The following EYA4 variants were observed in gnomAD, a reference collection of about 807,000 sequenced individuals.
The protein encoded by EYA4 is EYA transcriptional coactivator and phosphatase 4.
In EYA4, 31 loss-of-function variants were observed where a neutral mutation model predicts 87.9. The ratio of observed to expected loss-of-function variants is 0.35; its 90% CI spans 0.27 to 0.48. The LOEUF is 0.48. Ranked by LOEUF, EYA4 falls within the 20% of genes least tolerant of loss-of-function variation. The probability of loss-of-function intolerance (pLI) is 0.99; values close to 1 mark genes in which losing one functional copy is unlikely to be tolerated. For missense variants in EYA4, 678 were observed against 761.4 expected, an observed-to-expected ratio of 0.89 and a Z score of 1.29; for synonymous variants, 263 against 270.6, an observed-to-expected ratio of 0.97 and a Z score of 0.28.
At chr6:133,363,770 C>T (rs747530042) in intron 2 of EYA4, among the ~76,000 whole-genome samples, 12 of 152,148 alleles carry the variant, frequency 7.9e-5, no homozygotes, top group South Asian at 4.1e-4. Flanking sequence ...CCACCGCGCC[C>T]GGCGAGACCT....
chr6:133,458,022 C>T (rs1794052618), intron 6 of EYA4, among the ~76,000 whole-genome samples: 1 of 152,088 alleles, frequency 6.6e-6, no homozygotes, highest in South Asian at 2.1e-4. Flanking sequence ...GTGGTATAAA[C>T]AAATCTAAAA....
intron 2 of EYA4, among the ~76,000 whole-genome samples, chr6:133,297,944 A>ATTTAC (rs1291605811): frequency 9.9e-5 from 15 of 152,154 alleles, no homozygotes; most frequent in Non-Finnish European, 1.6e-4. Flanking sequence ...TCCACTAATG[A>ATTTAC]TTGTTGCCTG....
intron 3 of EYA4, among the ~76,000 whole-genome samples, chr6:133,420,141 A>G (rs748098608): frequency 6.6e-6 from 1 of 152,130 alleles, no homozygotes; most frequent in Non-Finnish European, 1.5e-5. Flanking sequence ...CACCAAAAAA[A>G]AATCATCCAT....
intron 5 of EYA4, among the ~76,000 whole-genome samples, chr6:133,455,019 T>A (rs1324149950): frequency 6.6e-6 from 1 of 152,186 alleles, no homozygotes; most frequent in Non-Finnish European, 1.5e-5. Flanking sequence ...TTCAGTTTCC[T>A]TGTCTATAAA....
chr6:133,294,023 T>TTTTATATATATATATA (rs1436598260), intron 2 of EYA4, among the ~76,000 whole-genome samples: 1 of 78,782 alleles, frequency 1.3e-5, no homozygotes, highest in African/African-American at 5.2e-5. Context: ...TAGGGTGATT[T>TTTTATATATATATATA]TATATATATA....
intron 3 of EYA4, among the ~76,000 whole-genome samples, chr6:133,437,007 T>A (rs1284570585): frequency 2.0e-5 from 3 of 152,024 alleles, no homozygotes; most frequent in Non-Finnish European, 4.4e-5. Context: ...ACAGAAAAAT[T>A]GCAGGAAAAA....
chr6:133,369,064 A>T (rs141624550), intron 2 of EYA4, among the ~76,000 whole-genome samples: 1 of 152,224 alleles, frequency 6.6e-6, no homozygotes, highest in African/African-American at 2.4e-5. Flanking sequence ...AACAAATTAG[A>T]GACAGGAAAT....
intron 3 of EYA4, among the ~76,000 whole-genome samples, chr6:133,394,284 G>GTTTTTT (rs869103311): frequency 0.011 from 200 of 17,836 alleles, 40 homozygotes; most frequent in African/African-American, 0.025. Flanking sequence ...ATAAGCTTGT[G>GTTTTTT]TTTTTTTTTT....
intron 3 of EYA4, among the ~76,000 whole-genome samples, chr6:133,442,772 A>G (rs1792431048): frequency 6.6e-6 from 1 of 152,156 alleles, no homozygotes; most frequent in Non-Finnish European, 1.5e-5. Flanking sequence ...ATCACCGAAT[A>G]TGATATAAGC....
intron 2 of EYA4, among the ~76,000 whole-genome samples, chr6:133,333,993 T>C (rs1299332683): frequency 3.3e-5 from 5 of 152,150 alleles, no homozygotes; most frequent in African/African-American, 4.8e-5. Flanking sequence ...ATTCCACTGA[T>C]TGGTAAAATT....
chr6:133,440,381 G>A (rs1425342925), intron 3 of EYA4, among the ~76,000 whole-genome samples: 1 of 152,122 alleles, frequency 6.6e-6, no homozygotes, highest in Non-Finnish European at 1.5e-5. Context: ...AATAGGAAGG[G>A]CACTTCAGGA....
chr6:133,448,834 T>C (rs996532346), intron 5 of EYA4, among the ~76,000 whole-genome samples: 5 of 152,258 alleles, frequency 3.3e-5, no homozygotes, highest in Non-Finnish European at 5.9e-5. Context: ...AAAAATCAAT[T>C]AGAACAAAGC....
intron 2 of EYA4, among the ~76,000 whole-genome samples, chr6:133,345,219 A>G (rs1783102466): frequency 6.6e-6 from 1 of 152,158 alleles, no homozygotes. Context: ...AAAAATTATT[A>G]AATATGCTCT....
chr6:133,371,514 A>G (rs1241704436), intron 2 of EYA4, among the ~76,000 whole-genome samples: 1 of 152,208 alleles, frequency 6.6e-6, no homozygotes, highest in Non-Finnish European at 1.5e-5. Flanking sequence ...GACCAAGAAA[A>G]GCAAATACCA....
At chr6:133,517,253 C>T (rs903972978) in intron 17 of EYA4, among the ~76,000 whole-genome samples, 18 of 151,778 alleles carry the variant, frequency 1.2e-4, no homozygotes, top group Non-Finnish European at 5.9e-5. Context: ...GGGAGAGGAT[C>T]AGCAAAAAGA....
Position 133,411,080 on chromosome 6 carries a change from A to C in EYA4, c.83+28639A>C, listed in dbSNP as rs531269815. 2.7e-5 allele frequency among the ~76,000 whole-genome samples: 4 copies of C among 148,548 alleles called. No individual in the cohort carries two copies. The East Asian group carries it at 8.0e-4, about 30-fold the overall frequency. ...TGAACTGTTTACTTACAAGCACTTT[A>C]TTTTTACTTTTGCATACAAGCAACA... On this transcript the variant is annotated intron_variant, in intron 3 of 19. Coordinates refer to ENST00000355286, the MANE Select transcript of EYA4 (RefSeq NM_004100.5).
intron 2 of EYA4, among the ~76,000 whole-genome samples, chr6:133,319,552 C>CT (rs1582943843): frequency 6.8e-6 from 1 of 147,030 alleles, no homozygotes; most frequent in African/African-American, 2.5e-5. Flanking sequence ...TTTAATTAAA[C>CT]TTTTTTATAT....
At chr6:133,473,639 G>A (rs1165762058) in intron 11 of EYA4, among the ~76,000 whole-genome samples, 1 of 151,848 alleles carries the variant, frequency 6.6e-6, no homozygotes, top group African/African-American at 2.4e-5. Context: ...CTACATTTTA[G>A]TTTTTTCCCC....
At chr6:133,524,086 C>A (rs1800420073) in intron 18 of EYA4, among the ~76,000 whole-genome samples, 1 of 152,128 alleles carries the variant, frequency 6.6e-6, no homozygotes, top group Admixed American at 6.6e-5. Flanking sequence ...GAGTAAATTT[C>A]ACATTGTCAT....
Sources: gnomAD v4.1 joint callset for allele counts (sites outside exome capture counted in the v4.1 genomes callset) on GRCh38, gnomAD v4.1.1 for gene constraint, MANE v1.5 for transcripts, NCBI Gene and HGNC (gene_info 2026-07-23, HGNC 2026-07-21) for gene names.